Variants in OCA2 observed in about 807,000 individuals in gnomAD.
OCA2 encodes P protein.
In OCA2, 77 loss-of-function variants were observed where a neutral mutation model predicts 100.2. That is an observed-to-expected ratio of 0.77 (90% CI 0.64 to 0.93). OCA2 has a LOEUF of 0.93. Ranked by LOEUF, OCA2 falls within the 40% of genes least tolerant of loss-of-function variation. OCA2 has a pLI of 0.00. For synonymous variants in OCA2, 432 were observed against 439.2 expected (o/e 0.98, Z 0.21); for missense variants, 1,062 against 1,089.1 (o/e 0.98, Z 0.35).
In OCA2 at chr15:28,092,491, C is replaced by T. The variant is rs143841371; in HGVS notation, c.-22+6733G>A. 1.7e-3 allele frequency among the ~76,000 whole-genome samples: 262 copies of T among 152,216 alleles called. 2 individuals carry two copies. The highest frequency in any genetic ancestry group is 0.014 in the Middle Eastern group (4 of 294). ...CACCTCAGCCCCCAAGTAGCTGGGA[C>T]CACAGGCACACACCACCACACTCAG... is the stretch of plus-strand genomic sequence containing the variant. On this transcript the variant is annotated intron_variant, in intron 1 of 23. Transcript: ENST00000354638.
intron 6 of OCA2, 61 bp from the exon 7 acceptor site, chr15:28,018,618 C>T (rs1268274908): frequency 1.9e-5 from 28 of 1,501,670 alleles, no homozygotes; most frequent in South Asian, 2.3e-5. Flanking sequence ...CCCCGCCGCC[C>T]GCCAGACGCA....
chr15:27,734,649 T>G, the OCA2 span, among the ~76,000 whole-genome samples: 1 of 152,230 alleles, frequency 6.6e-6, no homozygotes, highest in South Asian at 2.1e-4. Flanking sequence ...CCTAGCATTA[T>G]GCTGGTTATA....
intron 23 of OCA2, among the ~76,000 whole-genome samples, chr15:27,780,200 T>G (rs781514957): frequency 6.6e-6 from 1 of 152,190 alleles, no homozygotes; most frequent in Non-Finnish European, 1.5e-5. Flanking sequence ...AGGTGAACTC[T>G]GCACTCTGCA....
chr15:27,732,345 A>C, the OCA2 span, among the ~76,000 whole-genome samples: 1 of 152,190 alleles, frequency 6.6e-6, no homozygotes, highest in East Asian at 1.9e-4. Context: ...CCAGACCTGG[A>C]GGGCCCGGAG....
chr15:27,745,657 G>C, the OCA2 span, among the ~76,000 whole-genome samples: 50,687 of 152,026 alleles, frequency 0.33, 9,743 homozygotes, highest in East Asian at 0.62. Flanking sequence ...ACGCTGTGTA[G>C]AGAATCCCCC....
intron 19 of OCA2, among the ~76,000 whole-genome samples, chr15:27,908,997 T>G (rs2703926): frequency 0.63 from 96,200 of 151,932 alleles, 31,075 homozygotes; most frequent in East Asian, 0.96. Context: ...AAGCATGGCA[T>G]TCATAGGCCT....
At chr15:27,728,164 C>T in the OCA2 span, among the ~76,000 whole-genome samples, 1 of 152,120 alleles carries the variant, frequency 6.6e-6, no homozygotes, top group Non-Finnish European at 1.5e-5. Flanking sequence ...GACAATAATC[C>T]ATCCTGGAGC....
intron 19 of OCA2, among the ~76,000 whole-genome samples, chr15:27,906,199 T>C (rs1329084210): frequency 6.6e-6 from 1 of 152,216 alleles, no homozygotes; most frequent in African/African-American, 2.4e-5. Flanking sequence ...CCAAAACAAG[T>C]AACAATAAAT....
rs777554228 is a variant in OCA2 at position 27,851,374 on chromosome 15, C to T, written c.2338+8G>A. 2 of 1,612,476 alleles carry T rather than the reference C, an allele frequency of 1.2e-6. No individual in the cohort carries two copies. The highest frequency in any genetic ancestry group is 2.2e-5 in the East Asian group (1 of 44,850). On this transcript the variant is annotated splice_region_variant and intron_variant, in intron 22 of 23. Coordinates refer to ENST00000354638, the MANE Select transcript of OCA2 (RefSeq NM_000275.3). ...ACCCCCACCCCCATGCAGTCAGCAG[C>T]CCCTTACCTCCCAGGCAAGCACCGA...
chr15:27,908,535 G>A (rs1008669778), intron 19 of OCA2, among the ~76,000 whole-genome samples: 7 of 152,138 alleles, frequency 4.6e-5, no homozygotes, highest in Non-Finnish European at 4.4e-5. Flanking sequence ...GGAATTCTGC[G>A]AGTCAGCATG....
chr15:28,005,299 GTCTCCCCAAGCCCACA>G (rs1459644350), intron 9 of OCA2, among the ~76,000 whole-genome samples: 2 of 151,882 alleles, frequency 1.3e-5, no homozygotes, highest in Non-Finnish European at 2.9e-5. Flanking sequence ...CCAAGCCCCC[GTCTCCCCAAGCCCACA>G]TCTCCCCAAG....
intron 23 of OCA2, among the ~76,000 whole-genome samples, chr15:27,819,637 C>T (rs1566989984): frequency 8.5e-5 from 13 of 152,114 alleles, no homozygotes; most frequent in Admixed American, 6.5e-4. Flanking sequence ...TAGAATTATC[C>T]ATGTGGTAAT....
rs745850111 is a variant in OCA2 at position 27,957,754 on chromosome 15, G to A, written c.1637-19C>T. On this transcript the variant is annotated intron_variant, in intron 15 of 23. Transcript: ENST00000354638. This position sits in a 1 kb window ranked among gnomAD's most constrained non-coding sequence, Gnocchi z 4.3. ...TTCAGTTCTGCAGAGAAAGGAAGGC[G>A]AAGCTTGGGTCTCCCATGACCTCAG... is the stretch of plus-strand genomic sequence containing the variant. 13 of 1,612,976 alleles carry A rather than the reference G, an allele frequency of 8.1e-6. No homozygotes were observed. Among genetic ancestry groups the A allele is most frequent in the South Asian group, 3.3e-5 (3 of 91,068 alleles).
At chr15:27,794,913 C>A (rs1197833353) in intron 23 of OCA2, among the ~76,000 whole-genome samples, 1 of 152,182 alleles carries the variant, frequency 6.6e-6, no homozygotes, top group African/African-American at 2.4e-5. Flanking sequence ...TGGTTCTTTT[C>A]AGAATATGTA....
intron 18 of OCA2, among the ~76,000 whole-genome samples, chr15:27,935,317 T>C (rs1361232658): frequency 6.6e-6 from 1 of 152,206 alleles, no homozygotes; most frequent in Non-Finnish European, 1.5e-5. Context: ...ACCAAGAGCT[T>C]TGCCATTTCT....
rs2038592322 is a variant in OCA2, at chr15:27,914,575, A to G, written c.2079+11552T>C. Among the ~76,000 whole-genome samples the G allele has an allele frequency of 1.3e-5, 2 of 152,176 alleles. 1 individual carries two copies. Among genetic ancestry groups the G allele is most frequent in the South Asian group, 4.1e-4 (2 of 4,834 alleles). ...CATTTTCAAACACCAACAACATTCAAGCTGAGAGCCAAATCAAGAATGCAA... is the reference window on the plus strand; with the variant it reads ...CATTTTCAAACACCAACAACATTCAGGCTGAGAGCCAAATCAAGAATGCAA... On this transcript the variant is annotated intron_variant, in intron 19 of 23. Coordinates refer to ENST00000354638, the MANE Select transcript of OCA2 (RefSeq NM_000275.3).
intron 9 of OCA2, among the ~76,000 whole-genome samples, chr15:28,010,985 A>G (rs929622690): frequency 6.6e-6 from 1 of 152,244 alleles, no homozygotes; most frequent in African/African-American, 2.4e-5. Context: ...GAACAGACAC[A>G]TTACCAATGG....
intron 5 of OCA2, among the ~76,000 whole-genome samples, chr15:28,023,799 C>A (rs1346202745): frequency 1.3e-5 from 2 of 152,056 alleles, no homozygotes; most frequent in Non-Finnish European, 2.9e-5. Flanking sequence ...ACAGCTCACA[C>A]AGGTGCACAC....
At chr15:27,887,909 C>G (rs1321333737) in intron 19 of OCA2, among the ~76,000 whole-genome samples, 2 of 151,444 alleles carry the variant, frequency 1.3e-5, no homozygotes, top group African/African-American at 4.9e-5. Context: ...CCATCCCCTA[C>G]AAAGAGATAT....
Sources: gnomAD v4.1 joint callset for allele counts (sites outside exome capture counted in the v4.1 genomes callset) on GRCh38, gnomAD v4.1.1 for gene constraint, Gnocchi (gnomAD v3.1) non-coding constraint, MANE v1.5 for transcripts, NCBI Gene and HGNC (gene_info 2026-07-23, HGNC 2026-07-21) for gene names.